The following SLC25A26 variants were observed in gnomAD, a reference collection of about 807,000 sequenced individuals.
SLC25A26 encodes solute carrier family 25 member 26.
Under a neutral mutation model 37.8 loss-of-function variants are expected in SLC25A26, and 36 were observed. That is an observed-to-expected ratio of 0.95 (90% CI 0.73 to 1.26). SLC25A26 has a LOEUF of 1.26. Among genes scored for constraint, SLC25A26 ranks in the 50% most tolerant of loss-of-function variants. The pLI, the probability that SLC25A26 is intolerant of heterozygous loss-of-function variation, is 0.00. For synonymous variants in SLC25A26, 129 were observed against 122.5 expected (o/e 1.05, Z -0.35); for missense variants, 390 against 331.1 (o/e 1.18, Z -1.38).
rs1040839733 is a variant in SLC25A26 at position 66,377,759 on chromosome 3, T to C, written c.777T>C (p.Tyr259=). Residue 259 remains tyrosine (Y), a synonymous_variant, in exon 10 of 10, where the codon TAT becomes TAC. Coordinates refer to ENST00000354883, the MANE Select transcript of SLC25A26 (RefSeq NM_001379210.1). ...GAGGTTTCATCTTTCTGGGGGCTTA[T>C]GACCGAACGCACAGCTTGCTGTTGG... The part of the protein sequence containing the change: ...SLGGFIFLGA[Y]DRTHSLLLEV... 12 of 1,613,886 alleles carry C rather than the reference T, an allele frequency of 7.4e-6. No homozygotes were observed. Among genetic ancestry groups the C allele is most frequent in the African/African-American group, 1.3e-5 (1 of 74,916 alleles).
At chr3:66,139,781 C>A (rs2070007089) in intron 1 of SLC25A26, among the ~76,000 whole-genome samples, 2 of 152,158 alleles carry the variant, frequency 1.3e-5, no homozygotes, top group South Asian at 4.1e-4. Flanking sequence ...ACTTCTTTCA[C>A]ACTAAGCGCT....
chr3:66,221,462 TAAAG>T (rs1231321265), intron 1 of SLC25A26, among the ~76,000 whole-genome samples: 1 of 152,136 alleles, frequency 6.6e-6, no homozygotes, highest in East Asian at 1.9e-4. Context: ...TCTTGGGAAT[TAAAG>T]AAATGTATGT....
chr3:66,282,595 A>G (rs1428500842), intron 5 of SLC25A26, among the ~76,000 whole-genome samples: 1 of 152,194 alleles, frequency 6.6e-6, no homozygotes, highest in South Asian at 2.1e-4. Context: ...CTATAGGTGT[A>G]TCATTGCATC....
intron 1 of SLC25A26, among the ~76,000 whole-genome samples, chr3:66,150,323 T>A (rs2070180600): frequency 6.6e-6 from 1 of 150,446 alleles, no homozygotes; most frequent in African/African-American, 2.4e-5. Context: ...CATGATGAAA[T>A]CCTGTCTTTA....
intron 1 of SLC25A26, among the ~76,000 whole-genome samples, chr3:66,213,591 G>A (rs949127342): frequency 6.6e-6 from 1 of 151,826 alleles, no homozygotes; most frequent in African/African-American, 2.4e-5. Context: ...CTTTACCAGA[G>A]GGGTATATTT....
At chr3:66,327,750 A>G (rs2075873806) in intron 5 of SLC25A26, among the ~76,000 whole-genome samples, 1 of 152,188 alleles carries the variant, frequency 6.6e-6, no homozygotes, top group African/African-American at 2.4e-5. Flanking sequence ...TTAATGTATC[A>G]AATTGAGTTT....
chr3:66,297,897 T>C (rs569792838), intron 5 of SLC25A26, among the ~76,000 whole-genome samples: 26 of 152,358 alleles, frequency 1.7e-4, no homozygotes, highest in Non-Finnish European at 3.4e-4. Flanking sequence ...TCTCTTTAAT[T>C]CTAAGTTCTC....
chr3:66,361,374 T>A (rs991294368), intron 6 of SLC25A26, among the ~76,000 whole-genome samples: 1 of 152,136 alleles, frequency 6.6e-6, no homozygotes, highest in Non-Finnish European at 1.5e-5. Flanking sequence ...AAAAGCAAGA[T>A]CTGTAAAAGA....
intron 1 of SLC25A26, among the ~76,000 whole-genome samples, chr3:66,135,630 G>T (rs1292179526): frequency 2.0e-5 from 3 of 152,122 alleles, no homozygotes; most frequent in Non-Finnish European, 1.5e-5. Context: ...AGGTGGGCAT[G>T]GTGGCATGTA....
At chr3:66,351,535 C>T (rs2076453355) in intron 6 of SLC25A26, among the ~76,000 whole-genome samples, 1 of 152,020 alleles carries the variant, frequency 6.6e-6, no homozygotes, top group South Asian at 2.1e-4. Flanking sequence ...CTTTGGATAC[C>T]ATCTTTATAC....
chr3:66,162,334 A>ATT (rs796147816), intron 1 of SLC25A26, among the ~76,000 whole-genome samples: 1 of 52,828 alleles, frequency 1.9e-5, no homozygotes. Flanking sequence ...TTCAACATGG[A>ATT]TTTTTTTTTC....
At chr3:66,153,488 A>C (rs1177060749) in intron 1 of SLC25A26, among the ~76,000 whole-genome samples, 1 of 152,202 alleles carries the variant, frequency 6.6e-6, no homozygotes, top group Non-Finnish European at 1.5e-5. Context: ...TCCAGCCTGG[A>C]GTGGGGTCCA....
At chr3:66,287,069 G>A (rs1244095917) in intron 5 of SLC25A26, among the ~76,000 whole-genome samples, 1 of 152,124 alleles carries the variant, frequency 6.6e-6, no homozygotes, top group Non-Finnish European at 1.5e-5. Flanking sequence ...GGCTGAGGTG[G>A]GCAGATCACG....
intron 1 of SLC25A26, among the ~76,000 whole-genome samples, chr3:66,201,810 T>C (rs2071114649): frequency 2.0e-5 from 3 of 152,194 alleles, no homozygotes; most frequent in Non-Finnish European, 1.5e-5. Context: ...ACTATTTCTT[T>C]TGCAACCATA....
intron 5 of SLC25A26, among the ~76,000 whole-genome samples, chr3:66,331,932 G>T (rs78554421): frequency 1.9e-3 from 288 of 151,182 alleles, no homozygotes; most frequent in African/African-American, 5.2e-3. Context: ...GTTTTTTTTT[G>T]TTTGTTTGTT....
intron 5 of SLC25A26, among the ~76,000 whole-genome samples, chr3:66,285,693 C>G (rs1260419271): frequency 2.0e-5 from 3 of 151,838 alleles, no homozygotes; most frequent in African/African-American, 7.3e-5. Flanking sequence ...CTCCTGACCT[C>G]AAGTGATCTA....
At chr3:66,229,643 A>G (rs2071916972) in intron 1 of SLC25A26, among the ~76,000 whole-genome samples, 1 of 152,226 alleles carries the variant, frequency 6.6e-6, no homozygotes, top group Non-Finnish European at 1.5e-5. Context: ...TGAGTCAACT[A>G]AACCTCTTTT....
At chr3:66,209,602 GTA>G (rs1348881737) in intron 1 of SLC25A26, among the ~76,000 whole-genome samples, 1 of 124,520 alleles carries the variant, frequency 8.0e-6, no homozygotes, top group Non-Finnish European at 1.7e-5. Context: ...TATATAAAAG[GTA>G]TATATATACA....
intron 1 of SLC25A26, among the ~76,000 whole-genome samples, chr3:66,214,903 G>A (rs1033267675): frequency 3.3e-5 from 5 of 152,118 alleles, no homozygotes; most frequent in African/African-American, 7.2e-5. Flanking sequence ...TGAGGTGGGC[G>A]GATGGCTTGA....
Sources: gnomAD v4.1 joint callset for allele counts (sites outside exome capture counted in the v4.1 genomes callset) on GRCh38, gnomAD v4.1.1 for gene constraint, MANE v1.5 for transcripts, NCBI Gene and HGNC (gene_info 2026-07-23, HGNC 2026-07-21) for gene names.